LAMA2: variants seen among roughly 807,000 people sequenced by gnomAD.
LAMA2 encodes laminin subunit alpha-2.
In LAMA2, 269 loss-of-function variants were observed where a neutral mutation model predicts 364.8. The observed-to-expected ratio is 0.74, with a 90% confidence interval of 0.67 to 0.82. The LOEUF (loss-of-function observed/expected upper bound fraction) is 0.82, where lower values mean the gene tolerates loss of function less well. Ranked by LOEUF, LAMA2 falls within the 40% of genes least tolerant of loss-of-function variation. The probability of loss-of-function intolerance (pLI) is 0.00; values close to 1 mark genes in which losing one functional copy is unlikely to be tolerated. For missense variants in LAMA2, 3,807 were observed against 3,873.2 expected, an observed-to-expected ratio of 0.98 and a Z score of 0.45; for synonymous variants, 1,379 against 1,370.6, an observed-to-expected ratio of 1.01 and a Z score of -0.14.
intron 29 of LAMA2, among the ~76,000 whole-genome samples, chr6:129,336,567 T>C (rs1775969766): frequency 6.6e-6 from 1 of 152,236 alleles, no homozygotes; most frequent in East Asian, 1.9e-4. Flanking sequence ...ACAAGATTAT[T>C]TCTTCTTTTA....
At chr6:129,273,890 AATT>A (rs1220991263) in intron 17 of LAMA2, among the ~76,000 whole-genome samples, 15 of 151,900 alleles carry the variant, frequency 9.9e-5, no homozygotes, top group Non-Finnish European at 1.9e-4. Flanking sequence ...AGCAATTAAT[AATT>A]ATTAGTAAAT....
At chr6:129,110,037 A>G (rs1776056829) in intron 4 of LAMA2, among the ~76,000 whole-genome samples, 1 of 151,978 alleles carries the variant, frequency 6.6e-6, no homozygotes, top group Non-Finnish European at 1.5e-5. Context: ...GGTTTCATGG[A>G]ATCCACTCTT....
intron 40 of LAMA2, among the ~76,000 whole-genome samples, chr6:129,420,934 C>G (rs184042887): frequency 6.6e-6 from 1 of 152,108 alleles, no homozygotes; most frequent in Admixed American, 6.6e-5. Flanking sequence ...GTTTGTCTTT[C>G]CTCTTCCCTC....
chr6:128,917,437 A>G (rs925068818), intron 1 of LAMA2, among the ~76,000 whole-genome samples: 2 of 151,986 alleles, frequency 1.3e-5, no homozygotes, highest in Non-Finnish European at 2.9e-5. Flanking sequence ...AAATGAATTA[A>G]ATTTCCTTTG....
chr6:129,345,707 T>A (rs1776508565), intron 30 of LAMA2, among the ~76,000 whole-genome samples: 1 of 151,028 alleles, frequency 6.6e-6, no homozygotes, highest in Non-Finnish European at 1.5e-5. Context: ...TCTAAATATA[T>A]GTATTATACA....
intron 48 of LAMA2, among the ~76,000 whole-genome samples, chr6:129,456,932 T>G (rs1476187149): frequency 6.6e-6 from 1 of 152,200 alleles, no homozygotes; most frequent in Non-Finnish European, 1.5e-5. Context: ...ATGATCTGGT[T>G]TTTAAAGTTC....
chr6:129,334,854 C>G (rs908745854), intron 29 of LAMA2, among the ~76,000 whole-genome samples: 1 of 152,034 alleles, frequency 6.6e-6, no homozygotes, highest in South Asian at 2.1e-4. Context: ...TCATGAGGCT[C>G]CAGCCTCATG....
At chr6:129,050,225 C>G in intron 2 of LAMA2, 137 bp downstream of exon 2, 1 of 816,674 alleles carries the variant, frequency 1.2e-6, no homozygotes, top group South Asian at 1.6e-5. Context: ...AGAGCTTCTT[C>G]CTGGCCCCTC....
At chr6:129,298,975 G>T (rs3798668) in intron 21 of LAMA2, among the ~76,000 whole-genome samples, 1 of 151,706 alleles carries the variant, frequency 6.6e-6, no homozygotes, top group Non-Finnish European at 1.5e-5. Flanking sequence ...TAAATCCAAA[G>T]CTCACTGACA....
rs1376412082 is a variant in LAMA2 at position 129,427,854 on chromosome 6, G to T, written c.5968G>T (p.Glu1990Ter). Residue 1990 changes from glutamate (E) to a stop codon, truncating the protein, a stop_gained and splice_region_variant, in exon 41 of 65, where the codon GAA becomes TAA. Coordinates refer to ENST00000421865, the MANE Select transcript of LAMA2 (RefSeq NM_000426.4). LOFTEE classifies it high-confidence loss of function. Reference sequence around the variant, plus strand: ...CAAGAAGTTAGCAAATGATGTAAAAGGTCAGTGTGGCCATAGTTTTTATTA... The same window carrying T: ...CAAGAAGTTAGCAAATGATGTAAAATGTCAGTGTGGCCATAGTTTTTATTA... ...EAKKLANDVK[E>*]NEDHLNGLKT... The T allele has an allele frequency of 3.1e-6, 5 of 1,589,608 alleles. No homozygotes were observed. Among genetic ancestry groups the T allele is most frequent in the Non-Finnish European group, 4.3e-6 (5 of 1,157,900 alleles).
At chr6:129,302,515 T>C (rs149101795) in intron 22 of LAMA2, among the ~76,000 whole-genome samples, 131 of 152,246 alleles carry the variant, frequency 8.6e-4, no homozygotes, top group African/African-American at 2.9e-3. Flanking sequence ...TTTTCTTCTA[T>C]AGTCCATACT....
chr6:129,241,949 C>T (rs1273915926), intron 12 of LAMA2, among the ~76,000 whole-genome samples: 1 of 152,136 alleles, frequency 6.6e-6, no homozygotes, highest in South Asian at 2.1e-4. Flanking sequence ...CACTTGGCAT[C>T]ACATCAAAAT....
intron 1 of LAMA2, among the ~76,000 whole-genome samples, chr6:128,923,228 T>G (rs572443570): frequency 2.7e-4 from 41 of 151,348 alleles, no homozygotes; most frequent in African/African-American, 7.5e-4. Context: ...TAAAGTAGTT[T>G]TTTCCAACTC....
intron 14 of LAMA2, among the ~76,000 whole-genome samples, chr6:129,256,640 A>T (rs931008031): frequency 6.6e-5 from 10 of 151,596 alleles, no homozygotes; most frequent in African/African-American, 2.4e-4. Context: ...AGCATTTAAT[A>T]CACTTTTAAT....
intron 1 of LAMA2, among the ~76,000 whole-genome samples, chr6:128,905,787 C>T (rs561470711): frequency 1.2e-3 from 185 of 151,722 alleles, no homozygotes; most frequent in Non-Finnish European, 2.3e-3. Flanking sequence ...CTCCCCACTC[C>T]CCCCACCCCA....
At chr6:129,357,570 A>G (rs1562490122) in intron 32 of LAMA2, among the ~76,000 whole-genome samples, 1 of 152,024 alleles carries the variant, frequency 6.6e-6, no homozygotes, top group Non-Finnish European at 1.5e-5. Flanking sequence ...ATCATGAACT[A>G]TGTTTTCTAC....
In LAMA2 at chr6:129,425,997, G is replaced by C. The variant is rs116369658; in HGVS notation, c.5866-1755G>C. On this transcript the variant is annotated intron_variant, in intron 40 of 64. Transcript: ENST00000421865. ...AGGTATTCACACTCCAAGGCACTGG[G>C]GAAAGCTGTTTTCTTTTTTTGTCTA... Among the ~76,000 whole-genome samples the C allele has an allele frequency of 9.1e-3, 1,378 of 152,092 alleles. 24 individuals are homozygous for C. Among genetic ancestry groups the C allele is most frequent in the African/African-American group, 0.031 (1,293 of 41,502 alleles).
chr6:128,984,405 G>A (rs193287043), intron 1 of LAMA2, among the ~76,000 whole-genome samples: 4 of 152,088 alleles, frequency 2.6e-5, no homozygotes, highest in Admixed American at 6.6e-5. Context: ...GGGCCCATTC[G>A]TATGTACTTA....
intron 43 of LAMA2, 114 bp from the exon 44 acceptor site, chr6:129,442,949 T>C: frequency 1.4e-6 from 1 of 717,716 alleles, no homozygotes; most frequent in Non-Finnish European, 2.4e-6. Context: ...TTATAATTAG[T>C]ACCTGTTATG....
Sources: gnomAD v4.1 joint callset for allele counts (sites outside exome capture counted in the v4.1 genomes callset) on GRCh38, gnomAD v4.1.1 for gene constraint, MANE v1.5 for transcripts, NCBI Gene and HGNC (gene_info 2026-07-23, HGNC 2026-07-21) for gene names.